DHRS7B: variants seen among roughly 807,000 people sequenced by gnomAD.
The protein encoded by DHRS7B is peroxisomal reductase activating PPAR-gamma.
In DHRS7B, 24 loss-of-function variants were observed where a neutral mutation model predicts 26.4. The ratio of observed to expected loss-of-function variants is 0.91; its 90% confidence interval spans 0.66 to 1.28. DHRS7B has a LOEUF of 1.28. Ranked by LOEUF, DHRS7B falls within the 50% of genes most tolerant of loss-of-function variation. The pLI, the probability that DHRS7B is intolerant of heterozygous loss-of-function variation, is 0.00. For missense variants in DHRS7B, 368 were observed against 419.4 expected, an observed-to-expected ratio of 0.88 and a Z score of 1.07; for synonymous variants, 142 against 166.4, an observed-to-expected ratio of 0.85 and a Z score of 1.13.
intron 1 of DHRS7B, among the ~76,000 whole-genome samples, chr17:21,159,408 C>T (rs992339578): frequency 3.5e-4 from 30 of 85,024 alleles, no homozygotes; most frequent in Admixed American, 2.2e-3. Context: ...CCACCACGCC[C>T]GGCTAATTTT....
chr17:21,169,945 C>T (rs1453688571), intron 1 of DHRS7B, among the ~76,000 whole-genome samples: 1 of 152,014 alleles, frequency 6.6e-6, no homozygotes, highest in Non-Finnish European at 1.5e-5. Context: ...GGTGGTCCTA[C>T]CCTGAGACCT....
intron 1 of DHRS7B, among the ~76,000 whole-genome samples, chr17:21,156,911 CA>C (rs35192518): frequency 1.4e-3 from 190 of 139,484 alleles, no homozygotes; most frequent in African/African-American, 2.5e-3. Context: ...AATTCTGTCT[CA>C]AAAAAAAAAA....
chr17:21,138,106 A>G lies in DHRS7B; in HGVS notation c.20+11115A>G, dbSNP rs1308884983. Among the ~76,000 whole-genome samples, 16 of 135,426 alleles carry G rather than the reference A, an allele frequency of 1.2e-4. No individual in the cohort carries two copies. The East Asian group carries it at 3.1e-3, about 26-fold the overall frequency. The allele number at this position is 135,426 out of a possible 152,430, so 88.8% of individuals were successfully genotyped here. On this transcript the variant is annotated intron_variant, in intron 1 of 6. Transcript: ENST00000395511. ...TATATATATATATATATATATACAC[A>G]CACACACACACACACACACACACAC...
intron 1 of DHRS7B, chr17:21,166,454 A>G (rs1369458384): frequency 1.0e-6 from 1 of 985,072 alleles, no homozygotes; most frequent in Non-Finnish European, 1.2e-6. Flanking sequence ...GCCACTGGCA[A>G]GGTAGCTGCC....
intron 1 of DHRS7B, among the ~76,000 whole-genome samples, chr17:21,131,631 C>T (rs1973232426): frequency 6.6e-6 from 1 of 152,212 alleles, no homozygotes; most frequent in Admixed American, 6.5e-5. Flanking sequence ...CCTGCGAATG[C>T]AGCCCAGTAG....
At chr17:21,156,299 T>C (rs530705921) in intron 1 of DHRS7B, among the ~76,000 whole-genome samples, 2 of 152,270 alleles carry the variant, frequency 1.3e-5, no homozygotes, top group South Asian at 2.1e-4. Flanking sequence ...ACAGAGCCCA[T>C]GGACATCAAA....
intron 1 of DHRS7B, among the ~76,000 whole-genome samples, chr17:21,160,934 A>C (rs2144056738): frequency 6.6e-6 from 1 of 152,348 alleles, no homozygotes; most frequent in African/African-American, 2.4e-5. Context: ...TGAAATGTAT[A>C]TTACTAAGTG....
In DHRS7B at chr17:21,191,161, A is replaced by G; in HGVS notation, c.*8A>G. 1 of 1,612,848 alleles carries G rather than the reference A, an allele frequency of 6.2e-7. No homozygotes were observed. Among genetic ancestry groups the G allele is most frequent in the Non-Finnish European group, 8.5e-7 (1 of 1,179,916 alleles). ...AAATCCAAGAACTCCTAGTACTCTGACCAGCCAGGGCCAGGGCAGAGAAGC... is the reference window on the plus strand; with the variant it reads ...AAATCCAAGAACTCCTAGTACTCTGGCCAGCCAGGGCCAGGGCAGAGAAGC... On this transcript the variant is annotated 3_prime_UTR_variant, in exon 7 of 7. Transcript: ENST00000395511.
intron 1 of DHRS7B, among the ~76,000 whole-genome samples, chr17:21,160,523 A>G (rs1164768447): frequency 6.6e-6 from 1 of 152,246 alleles, no homozygotes; most frequent in Non-Finnish European, 1.5e-5. Context: ...AATGACAGTG[A>G]GATACCACCA....
intron 1 of DHRS7B, among the ~76,000 whole-genome samples, chr17:21,152,440 C>T (rs1341424627): frequency 2.0e-5 from 3 of 152,192 alleles, no homozygotes; most frequent in East Asian, 3.8e-4. Context: ...CAGGTGTGAA[C>T]CACCACACCC....
At chr17:21,152,691 C>G (rs1973798219) in intron 1 of DHRS7B, among the ~76,000 whole-genome samples, 1 of 152,172 alleles carries the variant, frequency 6.6e-6, no homozygotes, top group Admixed American at 6.5e-5. Context: ...CAATGCCTGC[C>G]CTCAGGAGAA....
chr17:21,178,437 T>A, intron 3 of DHRS7B, 95 bp downstream of exon 3: 1 of 1,020,202 alleles, frequency 9.8e-7, no homozygotes, highest in Non-Finnish European at 1.5e-6. Flanking sequence ...TGCTGAGCTG[T>A]AGGACATCCA....
At chr17:21,143,163 G>T (rs1973563715) in intron 1 of DHRS7B, among the ~76,000 whole-genome samples, 2 of 152,214 alleles carry the variant, frequency 1.3e-5, no homozygotes, top group Admixed American at 1.3e-4. Flanking sequence ...TCGACCTCAG[G>T]TGATCCGCCC....
chr17:21,143,499 G>C (rs552556056), intron 1 of DHRS7B, among the ~76,000 whole-genome samples: 6 of 152,220 alleles, frequency 3.9e-5, no homozygotes, highest in Non-Finnish European at 7.3e-5. Flanking sequence ...GATTTGTGAA[G>C]TTGGCATATA....
intron 1 of DHRS7B, among the ~76,000 whole-genome samples, chr17:21,153,123 A>G (rs2144009435): frequency 6.6e-6 from 1 of 152,374 alleles, no homozygotes; most frequent in East Asian, 1.9e-4. Context: ...AAAAATCATG[A>G]TTAATATGCT....
At chr17:21,151,180 A>T (rs548038048) in intron 1 of DHRS7B, among the ~76,000 whole-genome samples, 12 of 152,162 alleles carry the variant, frequency 7.9e-5, no homozygotes, top group Non-Finnish European at 1.6e-4. Context: ...CAGGGCTTTG[A>T]ATTTACAGTC....
In DHRS7B at chr17:21,133,520, C is replaced by A. The variant is rs545244219; in HGVS notation, c.20+6529C>A. Among the ~76,000 whole-genome samples, 5 of 152,330 alleles carry A rather than the reference C, an allele frequency of 3.3e-5. No individual in the cohort carries two copies. In the East Asian group the frequency reaches 9.6e-4, roughly 29 times the overall value. On this transcript the variant is annotated intron_variant, in intron 1 of 6. Transcript: ENST00000395511. Reference sequence around the variant, plus strand: ...CAAAGGAGGCAATCGGAATATGCATCTATCTCTGTGAGCAGAGGGATGACT... The same window carrying A: ...CAAAGGAGGCAATCGGAATATGCATATATCTCTGTGAGCAGAGGGATGACT...
chr17:21,131,981 T>G (rs1238887739), intron 1 of DHRS7B, among the ~76,000 whole-genome samples: 2 of 152,236 alleles, frequency 1.3e-5, no homozygotes, highest in African/African-American at 4.8e-5. Flanking sequence ...GAGTTCCTAT[T>G]AAGCAGCTAA....
At position 21,184,478 on chromosome 17, in the gene DHRS7B, C is replaced by G. The variant is rs1020703046; in HGVS notation, c.619+15C>G. On this transcript the variant is annotated intron_variant, in intron 5 of 6. Transcript: ENST00000395511. ...TCGATCAGCATGTGAGTACTTCTCT[C>G]TCCCACAAAATGCTTGGCTTTATTG... is the stretch of plus-strand genomic sequence containing the variant. 1 of 1,605,758 alleles carries G rather than the reference C, an allele frequency of 6.2e-7. No individual in the cohort carries two copies. The highest frequency in any genetic ancestry group is 8.5e-7 in the Non-Finnish European group (1 of 1,175,536).
Sources: allele counts gnomAD v4.1 joint callset (sites outside exome capture counted in the v4.1 genomes callset), GRCh38; gene constraint gnomAD v4.1.1; transcripts MANE v1.5; gene names NCBI Gene and HGNC (gene_info 2026-07-23, HGNC 2026-07-21).